MAP2K5: variants seen among roughly 807,000 people sequenced by gnomAD.
The protein encoded by MAP2K5 is dual specificity mitogen-activated protein kinase kinase 5.
A neutral mutation model predicts 83.1 loss-of-function variants in MAP2K5; 49 were observed. The ratio of observed to expected loss-of-function variants is 0.59; its 90% CI spans 0.47 to 0.75. The LOEUF (loss-of-function observed/expected upper bound fraction) is 0.75. MAP2K5 is among the 30% of genes least tolerant of loss of function. MAP2K5 has a pLI of 0.00. For missense variants in MAP2K5, 457 were observed against 557.5 expected (o/e 0.82, Z 1.82); for synonymous variants, 202 against 191.8 (o/e 1.05, Z -0.44).
chr15:67,598,223 A>G (rs985702197), intron 7 of MAP2K5, among the ~76,000 whole-genome samples: 6 of 152,188 alleles, frequency 3.9e-5, no homozygotes, highest in African/African-American at 1.4e-4. Flanking sequence ...AAAAACTAAA[A>G]CTAAAACTAA....
chr15:67,567,283 G>A (rs182021991), intron 3 of MAP2K5, among the ~76,000 whole-genome samples: 2 of 150,314 alleles, frequency 1.3e-5, no homozygotes, highest in Non-Finnish European at 3.0e-5. Flanking sequence ...AAGTTATGTT[G>A]TTAGAATATT....
In MAP2K5 at chr15:67,668,180, A is replaced by G. The variant is rs1056020597; in HGVS notation, c.847+3535A>G. 6.6e-6 allele frequency among the ~76,000 whole-genome samples: 1 copy of G among 152,174 alleles called. No homozygotes were observed. The highest frequency in any genetic ancestry group is 1.5e-5 in the Non-Finnish European group (1 of 68,024). On this transcript the variant is annotated intron_variant, in intron 13 of 21. Transcript: ENST00000178640. The surrounding 1 kb of genome is among the most constrained non-coding windows in gnomAD (Gnocchi z 4.0). Reference sequence around the variant, plus strand: ...CTTTATAAACTATTGAATGCTAAGAATGTGGCATGTTTTTATTATAACCAT... The same window carrying G: ...CTTTATAAACTATTGAATGCTAAGAGTGTGGCATGTTTTTATTATAACCAT...
At position 67,668,018 on chromosome 15, in the gene MAP2K5, G is replaced by A. The variant is rs2087430058; in HGVS notation, c.847+3373G>A. ...GTTAGTTTATTTGATAGTATATTAT[G>A]TTAACTGGAAATTGTTTTGGAAATT... On this transcript the variant is annotated intron_variant, in intron 13 of 21. Transcript: ENST00000178640. The surrounding 1 kb of genome is among the most constrained non-coding windows in gnomAD (Gnocchi z 4.0). Among the ~76,000 whole-genome samples, 1 of 152,142 alleles carries A rather than the reference G, an allele frequency of 6.6e-6. No individual in the cohort carries two copies. The highest frequency in any genetic ancestry group is 1.5e-5 in the Non-Finnish European group (1 of 68,012).
chr15:67,548,078 G>T (rs190500190), intron 1 of MAP2K5, among the ~76,000 whole-genome samples: 1 of 152,074 alleles, frequency 6.6e-6, no homozygotes, highest in Non-Finnish European at 1.5e-5. Flanking sequence ...TGTTTATGTC[G>T]ATGGGCTAAG....
At chr15:67,623,852 C>A (rs2086246976) in intron 8 of MAP2K5, among the ~76,000 whole-genome samples, 1 of 151,908 alleles carries the variant, frequency 6.6e-6, no homozygotes, top group Non-Finnish European at 1.5e-5. Context: ...CCACCTGGGC[C>A]TCCCAAAGTG....
At chr15:67,734,218 A>T (rs2089289089) in intron 17 of MAP2K5, among the ~76,000 whole-genome samples, 1 of 152,180 alleles carries the variant, frequency 6.6e-6, no homozygotes, top group African/African-American at 2.4e-5. Context: ...CTGCTTTCTG[A>T]TCCTTGTATT....
Position 67,563,084 on chromosome 15 carries a change from C to T in MAP2K5, c.185-199C>T, listed in dbSNP as rs1479214102. ...AGCAATATTTTAATTTTCTGCTATCCCTAAAAGAAAGTTTTATATTGAGAT... is the reference window on the plus strand; with the variant it reads ...AGCAATATTTTAATTTTCTGCTATCTCTAAAAGAAAGTTTTATATTGAGAT... On this transcript the variant is annotated intron_variant, in intron 2 of 21. Transcript: ENST00000178640. This position sits in a 1 kb window ranked among gnomAD's most constrained non-coding sequence, Gnocchi z 4.5. 6.6e-6 allele frequency among the ~76,000 whole-genome samples: 1 copy of T among 151,866 alleles called. No homozygotes were observed. Among genetic ancestry groups the T allele is most frequent in the Non-Finnish European group, 1.5e-5 (1 of 67,972 alleles).
At chr15:67,691,031 A>G (rs1458796923) in intron 13 of MAP2K5, among the ~76,000 whole-genome samples, 3 of 152,290 alleles carry the variant, frequency 2.0e-5, no homozygotes, top group East Asian at 1.9e-4. Context: ...GAGCCTCCCA[A>G]TAGAGGTTAT....
chr15:67,657,006 G>A (rs1255810998), intron 11 of MAP2K5, among the ~76,000 whole-genome samples: 2 of 152,050 alleles, frequency 1.3e-5, no homozygotes, highest in East Asian at 3.9e-4. Flanking sequence ...TATCTCTAAC[G>A]GACATGAAAA....
chr15:67,759,286 C>T (rs552980805), intron 19 of MAP2K5, among the ~76,000 whole-genome samples: 6 of 152,116 alleles, frequency 3.9e-5, no homozygotes, highest in Non-Finnish European at 5.9e-5. Context: ...AGGCCAGGCA[C>T]GGTGGCTCAT....
intron 21 of MAP2K5, among the ~76,000 whole-genome samples, chr15:67,776,906 G>A (rs999852811): frequency 6.6e-5 from 10 of 152,168 alleles, no homozygotes; most frequent in African/African-American, 9.7e-5. Flanking sequence ...CTGCAAAACC[G>A]AGGGGGCAGC....
intron 7 of MAP2K5, among the ~76,000 whole-genome samples, chr15:67,593,754 T>C (rs1185656692): frequency 6.6e-6 from 1 of 152,220 alleles, no homozygotes; most frequent in East Asian, 1.9e-4. Flanking sequence ...TCACTGCAAA[T>C]AAAAGACTCT....
intron 8 of MAP2K5, among the ~76,000 whole-genome samples, chr15:67,610,071 T>G (rs963102339): frequency 1.2e-4 from 18 of 152,168 alleles, no homozygotes; most frequent in Admixed American, 1.2e-3. Context: ...AAGTCAAGAA[T>G]AAAACTTAGG....
chr15:67,606,745 TATTTA>T (rs1392794014), intron 8 of MAP2K5, among the ~76,000 whole-genome samples: 1 of 152,238 alleles, frequency 6.6e-6, no homozygotes, highest in Non-Finnish European at 1.5e-5. Flanking sequence ...TAATATGATT[TATTTA>T]ATGAAAATTA....
chr15:67,593,200 A>G (rs1487690876), intron 7 of MAP2K5, among the ~76,000 whole-genome samples: 5 of 152,248 alleles, frequency 3.3e-5, no homozygotes, highest in African/African-American at 9.6e-5. Flanking sequence ...CCCTGCTGCC[A>G]TCTCAGTTTT....
intron 20 of MAP2K5, among the ~76,000 whole-genome samples, chr15:67,771,007 T>A (rs2090130647): frequency 2.0e-5 from 3 of 152,202 alleles, no homozygotes; most frequent in African/African-American, 7.2e-5. Flanking sequence ...GAAAAAAGCA[T>A]ACATGTTGAT....
At chr15:67,709,090 C>A (rs1329697162) in intron 16 of MAP2K5, among the ~76,000 whole-genome samples, 2 of 152,196 alleles carry the variant, frequency 1.3e-5, no homozygotes, top group Admixed American at 1.3e-4. Flanking sequence ...TGGCCTGTTT[C>A]TCCATTGTTT....
intron 8 of MAP2K5, among the ~76,000 whole-genome samples, chr15:67,626,678 C>G (rs541721760): frequency 6.6e-6 from 1 of 151,754 alleles, no homozygotes; most frequent in African/African-American, 2.4e-5. Flanking sequence ...GTGGGAGGAT[C>G]GCTTGAGGCT....
intron 19 of MAP2K5, among the ~76,000 whole-genome samples, chr15:67,751,260 G>A (rs1287211639): frequency 6.6e-6 from 1 of 152,104 alleles, no homozygotes; most frequent in African/African-American, 2.4e-5. Context: ...TGGGAGGGTG[G>A]CCAAAGTAAC....
Sources: allele counts gnomAD v4.1 joint callset (sites outside exome capture counted in the v4.1 genomes callset), GRCh38; gene constraint gnomAD v4.1.1; non-coding constraint Gnocchi (gnomAD v3.1); transcripts MANE v1.5; gene names NCBI Gene and HGNC (gene_info 2026-07-23, HGNC 2026-07-21).